ITPR1: variants seen among roughly 807,000 people sequenced by gnomAD.
ITPR1 encodes inositol 1,4,5-trisphosphate-gated calcium channel ITPR1.
ITPR1 carries 96 observed loss-of-function variants against 318.4 expected under a neutral mutation model. That is an observed-to-expected ratio of 0.30 (90% CI 0.26 to 0.36). The LOEUF is 0.36. ITPR1 is among the 10% of genes least tolerant of loss of function. The pLI is 1.00. For synonymous variants in ITPR1, 1,312 were observed against 1,289.9 expected (o/e 1.02, Z -0.37); for missense variants, 2,440 against 3,460.2 (o/e 0.71, Z 7.40).
chr3:4,533,279 G>C (rs2083569028), intron 4 of ITPR1, among the ~76,000 whole-genome samples: 1 of 152,238 alleles, frequency 6.6e-6, no homozygotes, highest in Non-Finnish European at 1.5e-5. Context: ...GTCATAATGA[G>C]TGGGTAAGAT....
chr3:4,655,098 A>G (rs142832987), intron 12 of ITPR1, among the ~76,000 whole-genome samples: 188 of 152,312 alleles, frequency 1.2e-3, no homozygotes, highest in Non-Finnish European at 2.1e-3. Flanking sequence ...ACTTCTCTGC[A>G]TCATGTTCAT....
Position 4,681,395 on chromosome 3 carries a change from A to G in ITPR1, c.3138A>G (p.Gln1046=), listed in dbSNP as rs2094295908. ...TTGACTTTGAACACATTGAAGAACA[A>G]GCAGAAGGCATCTTTGGAGGAAGGA... ...GALDFEHIEE[Q]AEGIFGGSEE... is the part of the protein sequence containing the mutation. The change falls in exon 26 of 62, where the codon CAA becomes CAG. Residue 1046 remains glutamine (Q), a synonymous_variant. Transcript: ENST00000649015. 6.2e-7 allele frequency: 1 copy of G among 1,612,750 alleles called. No individual in the cohort carries two copies. The highest frequency in any genetic ancestry group is 8.5e-7 in the Non-Finnish European group (1 of 1,179,082).
At chr3:4,509,588 C>T (rs954266866) in intron 2 of ITPR1, among the ~76,000 whole-genome samples, 1 of 152,154 alleles carries the variant, frequency 6.6e-6, no homozygotes, top group African/African-American at 2.4e-5. Context: ...GGCCAGAGTT[C>T]AAGACCAACC....
At chr3:4,624,987 A>G (rs1046440743) in intron 4 of ITPR1, among the ~76,000 whole-genome samples, 1 of 152,160 alleles carries the variant, frequency 6.6e-6, no homozygotes, top group Non-Finnish European at 1.5e-5. Flanking sequence ...AGAGGTGGGG[A>G]GAGCAGATTG....
rs527361263 is a variant in ITPR1, at chr3:4,784,644, G to T, written c.6615+724G>T. Among the ~76,000 whole-genome samples the T allele has an allele frequency of 6.0e-5, 9 of 150,560 alleles. No individual in the cohort carries two copies. In the South Asian group the frequency reaches 1.9e-3, roughly 32 times the overall value. Reference sequence around the variant, plus strand: ...GCCTGTAATCCCAACACTTTGGGAGGCCGAGGCAGGTAGATCACTTGAGGT... The same window carrying T: ...GCCTGTAATCCCAACACTTTGGGAGTCCGAGGCAGGTAGATCACTTGAGGT... On this transcript the variant is annotated intron_variant, in intron 51 of 61. Transcript: ENST00000649015.
chr3:4,574,860 A>G (rs1048460271), intron 4 of ITPR1, among the ~76,000 whole-genome samples: 2 of 152,242 alleles, frequency 1.3e-5, no homozygotes, highest in Non-Finnish European at 2.9e-5. Context: ...AACAGTAATT[A>G]AAATGGATCT....
intron 5 of ITPR1, among the ~76,000 whole-genome samples, chr3:4,638,728 T>A (rs934670727): frequency 6.6e-6 from 1 of 152,254 alleles, no homozygotes; most frequent in Non-Finnish European, 1.5e-5. Context: ...AATTTTTTAA[T>A]CACTTTGAGT....
intron 4 of ITPR1, among the ~76,000 whole-genome samples, chr3:4,535,760 T>C (rs1480309186): frequency 1.3e-5 from 2 of 152,102 alleles, no homozygotes; most frequent in Non-Finnish European, 2.9e-5. Context: ...AGTTATTTTC[T>C]CTCCAAAATC....
chr3:4,824,262 T>TAATC (rs2049924694), intron 60 of ITPR1, among the ~76,000 whole-genome samples: 1 of 152,196 alleles, frequency 6.6e-6, no homozygotes, highest in South Asian at 2.1e-4. Context: ...AGCTCGTGTG[T>TAATC]AATCAGTGTG....
intron 4 of ITPR1, among the ~76,000 whole-genome samples, chr3:4,544,161 G>C (rs1191696466): frequency 6.6e-6 from 1 of 152,208 alleles, no homozygotes; most frequent in Non-Finnish European, 1.5e-5. Context: ...TTGACTGGAA[G>C]TGAGGTTTTG....
At chr3:4,791,545 G>T (rs904227096) in intron 52 of ITPR1, among the ~76,000 whole-genome samples, 1 of 152,188 alleles carries the variant, frequency 6.6e-6, no homozygotes, top group East Asian at 1.9e-4. Context: ...ACCTTCTGCT[G>T]TGCTGCCCAG....
chr3:4,765,991 T>C (rs1363803115), intron 44 of ITPR1, among the ~76,000 whole-genome samples: 2 of 152,218 alleles, frequency 1.3e-5, no homozygotes. Context: ...GCATTTATAA[T>C]ATAATTGTGT....
chr3:4,638,763 A>G (rs1315669426), intron 5 of ITPR1, among the ~76,000 whole-genome samples: 6 of 152,220 alleles, frequency 3.9e-5, no homozygotes, highest in South Asian at 4.1e-4. Context: ...AAAGTGGGAT[A>G]ATAATGTTCT....
chr3:4,534,916 A>G (rs1421986464), intron 4 of ITPR1, among the ~76,000 whole-genome samples: 1 of 152,230 alleles, frequency 6.6e-6, no homozygotes, highest in East Asian at 1.9e-4. Flanking sequence ...CTATCACTTG[A>G]GAACTTTGCT....
intron 18 of ITPR1, 123 bp from the exon 19 acceptor site, chr3:4,669,531 A>G: frequency 1.1e-6 from 1 of 872,742 alleles, no homozygotes; most frequent in Non-Finnish European, 1.6e-6. Flanking sequence ...ATCAAGACTT[A>G]GAATGCTGCT....
intron 43 of ITPR1, among the ~76,000 whole-genome samples, chr3:4,734,869 G>T (rs2043165422): frequency 6.6e-6 from 1 of 152,194 alleles, no homozygotes; most frequent in Non-Finnish European, 1.5e-5. Context: ...TTAATGTAAG[G>T]GAGAGTCTTT....
intron 39 of ITPR1, among the ~76,000 whole-genome samples, chr3:4,715,368 C>T (rs1012717988): frequency 6.6e-6 from 1 of 152,244 alleles, no homozygotes; most frequent in Non-Finnish European, 1.5e-5. Context: ...TAGTCTTCAG[C>T]TCATTGCTGA....
At chr3:4,709,399 A>G (rs1446299290) in intron 37 of ITPR1, among the ~76,000 whole-genome samples, 2 of 152,216 alleles carry the variant, frequency 1.3e-5, no homozygotes, top group Non-Finnish European at 2.9e-5. Context: ...TAGTTTCTGG[A>G]TGAAAGATTA....
chr3:4,565,347 G>A (rs547324902), intron 4 of ITPR1, among the ~76,000 whole-genome samples: 15 of 152,272 alleles, frequency 9.9e-5, no homozygotes, highest in East Asian at 3.9e-4. Flanking sequence ...GCACCTCCAC[G>A]TAAAAGGTTT....
Sources: allele counts gnomAD v4.1 joint callset (sites outside exome capture counted in the v4.1 genomes callset), GRCh38; gene constraint gnomAD v4.1.1; transcripts MANE v1.5; gene names NCBI Gene and HGNC (gene_info 2026-07-23, HGNC 2026-07-21).